Variants in ROBO2 observed in about 807,000 individuals in gnomAD.
ROBO2 encodes the protein roundabout guidance receptor 2, also known as roundabout homolog 2.
In ROBO2, 53 loss-of-function variants were observed where a neutral mutation model predicts 160.8. That is an observed-to-expected ratio of 0.33 (90% confidence interval 0.26 to 0.41). The LOEUF (loss-of-function observed/expected upper bound fraction) is 0.41, where lower values mean the gene tolerates loss of function less well. Among genes scored for constraint, ROBO2 ranks in the 10% least tolerant of loss-of-function variants. The pLI, the probability that ROBO2 is intolerant of heterozygous loss-of-function variation, is 1.00. For synonymous variants in ROBO2, 664 were observed against 611.7 expected (o/e 1.09, Z -1.26); for missense variants, 1,577 against 1,722.4 (o/e 0.92, Z 1.49).
intron 2 of ROBO2, among the ~76,000 whole-genome samples, chr3:76,481,547 G>A (rs1560019646): frequency 6.6e-6 from 1 of 152,142 alleles, no homozygotes; most frequent in African/African-American, 2.4e-5. Context: ...AGGACAATAT[G>A]AATGAATCAA....
At chr3:75,996,594 A>G (rs1036642115) in intron 2 of ROBO2, among the ~76,000 whole-genome samples, 3 of 152,314 alleles carry the variant, frequency 2.0e-5, no homozygotes, top group African/African-American at 7.2e-5. Context: ...TTCCTTATCT[A>G]CATCATAAGA....
chr3:77,471,357 G>C (rs1364944540), intron 2 of ROBO2, among the ~76,000 whole-genome samples: 1 of 152,172 alleles, frequency 6.6e-6, no homozygotes, highest in Non-Finnish European at 1.5e-5. Flanking sequence ...TAAAATCACA[G>C]CTGGACATAA....
chr3:76,335,635 G>T (rs1464186813), intron 2 of ROBO2, among the ~76,000 whole-genome samples: 13 of 150,740 alleles, frequency 8.6e-5, no homozygotes, highest in Admixed American at 2.6e-4. Flanking sequence ...TGGAGTGCAG[G>T]GGCGCGATCT....
chr3:76,640,064 C>T (rs931416416), intron 2 of ROBO2, among the ~76,000 whole-genome samples: 31 of 152,096 alleles, frequency 2.0e-4, no homozygotes, highest in African/African-American at 7.0e-4. Flanking sequence ...TTGTACTTTC[C>T]GTACTAGACT....
intron 20 of ROBO2, 63 bp from the exon 22 acceptor site, chr3:77,607,735 A>T: frequency 7.0e-7 from 1 of 1,433,088 alleles, no homozygotes; most frequent in Non-Finnish European, 9.8e-7. Flanking sequence ...ACACCTTGCC[A>T]TCTGATGTAT....
intron 2 of ROBO2, among the ~76,000 whole-genome samples, chr3:75,977,315 A>G (rs2107414265): frequency 6.6e-6 from 1 of 151,622 alleles, no homozygotes; most frequent in African/African-American, 2.4e-5. Flanking sequence ...GTAAAGTTGA[A>G]AAAAATATTC....
intron 2 of ROBO2, among the ~76,000 whole-genome samples, chr3:77,465,757 G>A (rs1206756750): frequency 2.0e-5 from 3 of 152,080 alleles, no homozygotes; most frequent in African/African-American, 7.2e-5. Flanking sequence ...ACCTTAAAAA[G>A]ATACTCAGTA....
intron 2 of ROBO2, among the ~76,000 whole-genome samples, chr3:76,097,168 G>A (rs765738593): frequency 6.6e-6 from 1 of 152,172 alleles, no homozygotes; most frequent in Non-Finnish European, 1.5e-5. Context: ...ACTGAATGTG[G>A]TGAATCTTGT....
chr3:77,472,234 C>A (rs1388158365), intron 2 of ROBO2, among the ~76,000 whole-genome samples: 1 of 152,070 alleles, frequency 6.6e-6, no homozygotes, highest in Non-Finnish European at 1.5e-5. Context: ...CTAGTTCATG[C>A]TCAAGGGGAG....
chr3:76,242,105 C>A (rs1368734042), intron 2 of ROBO2, among the ~76,000 whole-genome samples: 1 of 151,932 alleles, frequency 6.6e-6, no homozygotes, highest in East Asian at 1.9e-4. Context: ...TTCCTTTTTC[C>A]CCCTTTATTA....
intron 2 of ROBO2, among the ~76,000 whole-genome samples, chr3:77,143,906 A>G (rs1332751475): frequency 1.3e-5 from 2 of 151,958 alleles, no homozygotes; most frequent in East Asian, 1.9e-4. Flanking sequence ...TTGCTACTCT[A>G]TTCCACTCTG....
intron 2 of ROBO2, among the ~76,000 whole-genome samples, chr3:76,347,698 C>T (rs1224165082): frequency 6.6e-6 from 1 of 151,828 alleles, no homozygotes; most frequent in Non-Finnish European, 1.5e-5. Context: ...ATTTCACTCT[C>T]CCCTGATTCT....
intron 2 of ROBO2, among the ~76,000 whole-genome samples, chr3:76,640,844 CAAGAT>C (rs1249599357): frequency 2.0e-5 from 3 of 151,990 alleles, no homozygotes; most frequent in Non-Finnish European, 4.4e-5. Flanking sequence ...AAAAAAGAAT[CAAGAT>C]AAGTAAAAAG....
chr3:76,378,154 A>G (rs570686703), intron 2 of ROBO2, among the ~76,000 whole-genome samples: 50 of 152,312 alleles, frequency 3.3e-4, no homozygotes, highest in Non-Finnish European at 6.0e-4. Context: ...TTGTGATTAG[A>G]TGAATAAACC....
chr3:77,007,434 C>T (rs1260535338), intron 2 of ROBO2, among the ~76,000 whole-genome samples: 1 of 152,038 alleles, frequency 6.6e-6, no homozygotes, highest in African/African-American at 2.4e-5. Flanking sequence ...AATCACATTT[C>T]TCAGAGACTG....
intron 2 of ROBO2, among the ~76,000 whole-genome samples, chr3:76,945,785 T>A (rs1415619691): frequency 6.6e-6 from 1 of 152,256 alleles, no homozygotes; most frequent in Non-Finnish European, 1.5e-5. Flanking sequence ...TCTTCTTGTT[T>A]ATATCTGTCA....
intron 13 of ROBO2, 72 bp from the exon 15 acceptor site, chr3:77,574,427 A>T (rs1323384289): frequency 7.7e-7 from 1 of 1,299,434 alleles, no homozygotes; most frequent in African/African-American, 1.5e-5. Flanking sequence ...GACAAATGAA[A>T]AGAGGACAAA....
intron 2 of ROBO2, among the ~76,000 whole-genome samples, chr3:76,931,769 C>T (rs896600620): frequency 7.2e-5 from 11 of 152,114 alleles, no homozygotes; most frequent in African/African-American, 2.7e-4. Context: ...GCAGCCTTTG[C>T]TTCCCGGATT....
chr3:76,736,062 T>C (rs931131936), intron 2 of ROBO2, among the ~76,000 whole-genome samples: 120 of 151,680 alleles, frequency 7.9e-4, no homozygotes, highest in African/African-American at 2.7e-3. Flanking sequence ...GGCGGGCGGA[T>C]CACGAGGTCA....
Sources: gnomAD v4.1 joint callset for allele counts (sites outside exome capture counted in the v4.1 genomes callset) on GRCh38, gnomAD v4.1.1 for gene constraint, MANE v1.5 for transcripts, NCBI Gene and HGNC (gene_info 2026-07-23, HGNC 2026-07-21) for gene names.